The following LRRC4C variants were observed in gnomAD, a reference collection of about 807,000 sequenced individuals.
LRRC4C encodes leucine-rich repeat-containing protein 4C.
Under a neutral mutation model 33.6 loss-of-function variants are expected in LRRC4C, and 5 were observed. That is an observed-to-expected ratio of 0.15 (90% CI 0.08 to 0.31). The LOEUF (loss-of-function observed/expected upper bound fraction) is 0.31. Ranked by LOEUF, LRRC4C falls within the 10% of genes least tolerant of loss-of-function variation. LRRC4C has a pLI of 1.00. For synonymous variants in LRRC4C, 329 were observed against 302.0 expected (o/e 1.09, Z -0.93); for missense variants, 560 against 796.7 (o/e 0.70, Z 3.58).
At chr11:41,328,721 G>A (rs1050115586) in intron 1 of LRRC4C, among the ~76,000 whole-genome samples, 9 of 152,178 alleles carry the variant, frequency 5.9e-5, no homozygotes, top group African/African-American at 2.2e-4. Flanking sequence ...AAGGGACTCT[G>A]CAGTCGTGAC....
chr11:41,222,308 G>T (rs998148873), intron 1 of LRRC4C, among the ~76,000 whole-genome samples: 1 of 152,142 alleles, frequency 6.6e-6, no homozygotes, highest in African/African-American at 2.4e-5. Context: ...GGGTTACTCT[G>T]CCTGGGCTGG....
chr11:40,829,780 C>A (rs1952328199), intron 2 of LRRC4C, among the ~76,000 whole-genome samples: 1 of 151,878 alleles, frequency 6.6e-6, no homozygotes, highest in African/African-American at 2.4e-5. Context: ...ATCTATCAAC[C>A]ACTGTGTCAG....
At chr11:40,401,275 A>G (rs1431672720) in intron 3 of LRRC4C, among the ~76,000 whole-genome samples, 1 of 151,796 alleles carries the variant, frequency 6.6e-6, no homozygotes, top group Non-Finnish European at 1.5e-5. Flanking sequence ...TGCAAACAGT[A>G]AGCTCTTATC....
At chr11:40,298,946 A>G (rs1223472886) in intron 4 of LRRC4C, among the ~76,000 whole-genome samples, 1 of 152,180 alleles carries the variant, frequency 6.6e-6, no homozygotes, top group Non-Finnish European at 1.5e-5. Flanking sequence ...TCCCTCCCCC[A>G]ACACATGGCA....
rs77383812 is a variant in LRRC4C at position 40,290,385 on chromosome 11, A to G, written c.-176+29243T>C. 4.3e-3 allele frequency among the ~76,000 whole-genome samples: 658 copies of G among 152,330 alleles called. 6 individuals are homozygous for G. Among genetic ancestry groups the G allele is most frequent in the East Asian group, 0.027 (140 of 5,182 alleles). On this transcript the variant is annotated intron_variant, in intron 4 of 6. Coordinates refer to ENST00000528697, the MANE Select transcript of LRRC4C (RefSeq NM_001258419.2). The stretch of plus-strand genomic sequence containing the variant: ...AAAACCATCTTGCACAATTATTTTC[A>G]TAGGTTGGTAAATTTATTGCCTGAT...
At position 40,660,247 on chromosome 11, in the gene LRRC4C, G is replaced by C. The variant is rs569909541; in HGVS notation, c.-406-11969C>G. ...TGTGCAGTGGCTAGACCTCATGCTT[G>C]CTCGCTTACACAACCCTTGCCACTC... is the stretch of plus-strand genomic sequence containing the variant. On this transcript the variant is annotated intron_variant, in intron 2 of 6. Transcript: ENST00000528697. Among the ~76,000 whole-genome samples the C allele has an allele frequency of 4.6e-5, 7 of 152,306 alleles. No individual in the cohort carries two copies. In the South Asian group the frequency reaches 1.4e-3, roughly 32 times the overall value.
At chr11:41,162,426 C>T (rs181309322) in intron 1 of LRRC4C, among the ~76,000 whole-genome samples, 329 of 152,248 alleles carry the variant, frequency 2.2e-3, no homozygotes, top group African/African-American at 7.2e-3. Flanking sequence ...AGAACAGCCA[C>T]GCATCATTTA....
intron 3 of LRRC4C, among the ~76,000 whole-genome samples, chr11:40,439,096 AAT>A (rs1491261000): frequency 1.7e-5 from 2 of 119,796 alleles, no homozygotes; most frequent in African/African-American, 5.9e-5. Context: ...ACCCCCAGCT[AAT>A]TTTTTTTTTT....
At chr11:40,377,800 C>A (rs952727615) in intron 3 of LRRC4C, among the ~76,000 whole-genome samples, 1 of 151,978 alleles carries the variant, frequency 6.6e-6, no homozygotes, top group African/African-American at 2.4e-5. Flanking sequence ...GACAGTTACA[C>A]CTTTCAAATG....
At chr11:40,419,863 C>T (rs1384455232) in intron 3 of LRRC4C, among the ~76,000 whole-genome samples, 1 of 152,154 alleles carries the variant, frequency 6.6e-6, no homozygotes, top group African/African-American at 2.4e-5. Context: ...TTGTTCCTTA[C>T]AGGAAGTGAG....
chr11:41,438,202 G>T (rs1955503919), intron 1 of LRRC4C, among the ~76,000 whole-genome samples: 1 of 151,932 alleles, frequency 6.6e-6, no homozygotes, highest in Non-Finnish European at 1.5e-5. Context: ...TGTACTTGTT[G>T]CCTAGATTTG....
At chr11:40,495,290 C>T (rs555142082) in intron 3 of LRRC4C, among the ~76,000 whole-genome samples, 1 of 152,092 alleles carries the variant, frequency 6.6e-6, no homozygotes, top group South Asian at 2.1e-4. Flanking sequence ...ACAACCTCTC[C>T]GCCCCCCCCG....
intron 3 of LRRC4C, among the ~76,000 whole-genome samples, chr11:40,569,499 G>C (rs1957894924): frequency 1.3e-5 from 2 of 152,008 alleles, no homozygotes; most frequent in South Asian, 4.1e-4. Context: ...AAATTTAGTA[G>C]AATTTCCAAT....
chr11:40,792,215 T>C (rs950710000), intron 2 of LRRC4C, among the ~76,000 whole-genome samples: 53 of 152,116 alleles, frequency 3.5e-4, no homozygotes, highest in Middle Eastern at 3.4e-3. Context: ...TTTGTCCTTT[T>C]GAATAATTAT....
chr11:40,609,312 A>C (rs1300804662), intron 3 of LRRC4C, among the ~76,000 whole-genome samples: 1 of 152,048 alleles, frequency 6.6e-6, no homozygotes. Context: ...TGAACTCCTA[A>C]ATAAGCAATG....
rs115110018 is a variant in LRRC4C at position 41,260,851 on chromosome 11, C to T, written c.-496+198580G>A. Among the ~76,000 whole-genome samples, 645 of 152,090 alleles carry T rather than the reference C, an allele frequency of 4.2e-3. 3 individuals carry two copies. The highest frequency in any genetic ancestry group is 0.014 in the African/African-American group (565 of 41,526). On this transcript the variant is annotated intron_variant, in intron 1 of 6. Transcript: ENST00000528697. ...CTCCAGGTACCTAAAAGTTTCAATG[C>T]AGAAGCCCAAGCCAGGAAAATTGAC...
At chr11:40,157,325 A>G (rs756371788) in intron 5 of LRRC4C, among the ~76,000 whole-genome samples, 4 of 152,214 alleles carry the variant, frequency 2.6e-5, no homozygotes, top group Non-Finnish European at 4.4e-5. Flanking sequence ...CAACATTGGA[A>G]AAACCCTTCT....
chr11:40,901,421 T>C (rs1376326775), intron 2 of LRRC4C, among the ~76,000 whole-genome samples: 1 of 152,086 alleles, frequency 6.6e-6, no homozygotes, highest in Non-Finnish European at 1.5e-5. Context: ...TTAGGAAGCA[T>C]GAAAATTCAA....
intron 1 of LRRC4C, among the ~76,000 whole-genome samples, chr11:41,279,132 C>A (rs1395439798): frequency 3.3e-5 from 5 of 152,074 alleles, no homozygotes; most frequent in Non-Finnish European, 5.9e-5. Context: ...CTGTGAAGTA[C>A]AAGATTTTGT....
Sources: allele counts gnomAD v4.1 joint callset (sites outside exome capture counted in the v4.1 genomes callset), GRCh38; gene constraint gnomAD v4.1.1; transcripts MANE v1.5; gene names NCBI Gene and HGNC (gene_info 2026-07-23, HGNC 2026-07-21).